The following LPP variants were observed in gnomAD, a reference collection of about 807,000 sequenced individuals.
LPP encodes LIM domain containing preferred translocation partner in lipoma.
In LPP, 38 loss-of-function variants were observed where a neutral mutation model predicts 60.4. The observed-to-expected ratio is 0.63, with a 90% CI of 0.49 to 0.83. The LOEUF (loss-of-function observed/expected upper bound fraction) is 0.83, where lower values mean the gene tolerates loss of function less well. LPP is among the 40% of genes least tolerant of loss of function. LPP has a pLI of 0.00. For missense variants in LPP, 902 were observed against 783.6 expected, an observed-to-expected ratio of 1.15 and a Z score of -1.80; for synonymous variants, 328 against 290.8, an observed-to-expected ratio of 1.13 and a Z score of -1.30.
At chr3:188,760,441 C>CGCGT (rs1560168959) in intron 9 of LPP, among the ~76,000 whole-genome samples, 159 bp downstream of exon 9, 3 of 44,586 alleles carry the variant, frequency 6.7e-5, no homozygotes, top group Non-Finnish European at 1.4e-4. Flanking sequence ...TGTGTGCGTG[C>CGCGT]GCGCATGTAA....
intron 1 of LPP, among the ~76,000 whole-genome samples, chr3:188,216,298 G>T (rs1482190067): frequency 7.2e-6 from 1 of 138,238 alleles, no homozygotes; most frequent in Non-Finnish European, 1.5e-5. Context: ...TTTTGATGGA[G>T]TCTCACTCTC....
In LPP at chr3:188,876,133, T is replaced by A. The variant is rs1769227894; in HGVS notation, c.*1654T>A. On this transcript the variant is annotated 3_prime_UTR_variant, in exon 12 of 12. Coordinates refer to ENST00000617246, the MANE Select transcript of LPP (RefSeq NM_001375462.1). ...TGTGAAGTGATGTTCAGATTTCTAG[T>A]TTTTTTTCTAGTTTTTAATTTTAAC... 5.3e-6 allele frequency: 1 copy of A among 188,876 alleles called. No individual in the cohort carries two copies. The highest frequency in any genetic ancestry group is 6.2e-5 in the Admixed American group (1 of 16,154). The allele number at this position is 188,876 out of a possible 1,614,324, so 11.7% of individuals were successfully genotyped here. A position where few individuals can be genotyped will look rare whatever the true frequency, so the allele number is the denominator to read the frequency against.
intron 2 of LPP, among the ~76,000 whole-genome samples, chr3:188,270,765 A>G (rs1400567675): frequency 6.6e-6 from 1 of 152,250 alleles, no homozygotes; most frequent in Non-Finnish European, 1.5e-5. Context: ...AGCATCTGCC[A>G]CAGGGAACAG....
chr3:188,581,261 A>G (rs959566803), intron 6 of LPP, among the ~76,000 whole-genome samples: 3 of 151,912 alleles, frequency 2.0e-5, no homozygotes, highest in Non-Finnish European at 4.4e-5. Context: ...GTCGTTGGAG[A>G]TGGTGACTGG....
At chr3:188,702,698 A>C (rs1043387773) in intron 7 of LPP, among the ~76,000 whole-genome samples, 1 of 152,232 alleles carries the variant, frequency 6.6e-6, no homozygotes, top group Non-Finnish European at 1.5e-5. Flanking sequence ...GGTATTTCAG[A>C]AACAAACATA....
intron 2 of LPP, among the ~76,000 whole-genome samples, chr3:188,294,538 C>T (rs541647912): frequency 2.5e-4 from 38 of 152,252 alleles, no homozygotes; most frequent in African/African-American, 8.9e-4. Context: ...AGCCACCAAA[C>T]CGAAGCAAGT....
At chr3:188,443,843 T>C (rs1794616904) in intron 4 of LPP, among the ~76,000 whole-genome samples, 1 of 152,234 alleles carries the variant, frequency 6.6e-6, no homozygotes, top group African/African-American at 2.4e-5. Flanking sequence ...ATATTATTCA[T>C]TAACAAAGTA....
In LPP at chr3:188,889,668, C is replaced by T. The variant is rs781410568; in HGVS notation, c.*15189C>T. ...GACTCCATGCCATTGCAGTCAGCCA[C>T]CATTCTCTTTTCCATATAAGGAGCC... On this transcript the variant is annotated 3_prime_UTR_variant, in exon 12 of 12. Transcript: ENST00000617246. 1 of 223,912 alleles carries T rather than the reference C, an allele frequency of 4.5e-6. No individual in the cohort carries two copies. The highest frequency in any genetic ancestry group is 6.5e-5 in the East Asian group (1 of 15,466). 13.9% of individuals were successfully genotyped at this position (223,912 alleles called of 1,614,324 possible).
intron 5 of LPP, among the ~76,000 whole-genome samples, chr3:188,505,187 T>G (rs1813101043): frequency 6.6e-6 from 1 of 152,222 alleles, no homozygotes; most frequent in African/African-American, 2.4e-5. Flanking sequence ...ATGGTGGCAG[T>G]GCAATCGTTG....
intron 6 of LPP, among the ~76,000 whole-genome samples, chr3:188,529,161 A>G (rs751597139): frequency 1.1e-4 from 16 of 152,230 alleles, no homozygotes; most frequent in Non-Finnish European, 1.6e-4. Flanking sequence ...ATTGGTTAAC[A>G]TAATTATAGG....
chr3:188,255,025 T>C (rs564361627), intron 2 of LPP, among the ~76,000 whole-genome samples: 4 of 152,336 alleles, frequency 2.6e-5, no homozygotes, highest in South Asian at 4.1e-4. Context: ...ACTTAAGTAT[T>C]ACTCCTGCCA....
chr3:188,677,277 A>T (rs906623572), intron 7 of LPP, among the ~76,000 whole-genome samples: 2 of 152,216 alleles, frequency 1.3e-5, no homozygotes, highest in Non-Finnish European at 2.9e-5. Context: ...TAATACAATT[A>T]TGTTACTTTT....
intron 2 of LPP, among the ~76,000 whole-genome samples, chr3:188,298,370 G>T (rs543608034): frequency 2.5e-4 from 38 of 152,220 alleles, no homozygotes; most frequent in African/African-American, 8.9e-4. Context: ...TGATCCTCCT[G>T]GGGGCACTAG....
At chr3:188,719,293 C>T (rs760952138) in intron 8 of LPP, among the ~76,000 whole-genome samples, 4 of 152,166 alleles carry the variant, frequency 2.6e-5, no homozygotes, top group Non-Finnish European at 4.4e-5. Flanking sequence ...ATGGATAGGG[C>T]ATCACATTGA....
At chr3:188,627,948 A>G (rs1847162910) in intron 7 of LPP, among the ~76,000 whole-genome samples, 1 of 152,180 alleles carries the variant, frequency 6.6e-6, no homozygotes, top group African/African-American at 2.4e-5. Flanking sequence ...AATATAAATC[A>G]ATACTAAGAT....
chr3:188,477,074 A>G (rs772760638), intron 4 of LPP, among the ~76,000 whole-genome samples: 4 of 152,252 alleles, frequency 2.6e-5, no homozygotes, highest in Non-Finnish European at 4.4e-5. Context: ...TCCCACTGAC[A>G]TAGTGCAGAG....
rs542091778 is a variant in LPP at position 188,655,145 on chromosome 3, G to A, written c.1113+45301G>A. Reference sequence around the variant, plus strand: ...CTCATGTTTTGTTTTGCAATACAGGGCAGGATATTCTCTCTTCCTTTAGCC... The same window carrying A: ...CTCATGTTTTGTTTTGCAATACAGGACAGGATATTCTCTCTTCCTTTAGCC... On this transcript the variant is annotated intron_variant, in intron 7 of 11. Coordinates refer to ENST00000617246, the MANE Select transcript of LPP (RefSeq NM_001375462.1). 2.0e-5 allele frequency among the ~76,000 whole-genome samples: 3 copies of A among 152,220 alleles called. No individual in the cohort carries two copies. The East Asian group carries it at 5.8e-4, about 29-fold the overall frequency.
At chr3:188,195,897 C>T (rs770477290) in intron 1 of LPP, among the ~76,000 whole-genome samples, 2 of 152,254 alleles carry the variant, frequency 1.3e-5, no homozygotes, top group East Asian at 1.9e-4. Context: ...AAGATTTATA[C>T]GGACATGCTT....
intron 9 of LPP, among the ~76,000 whole-genome samples, chr3:188,818,594 T>G (rs1392016909): frequency 6.6e-6 from 1 of 152,182 alleles, no homozygotes; most frequent in Non-Finnish European, 1.5e-5. Context: ...TCAGTAAAAT[T>G]CTGAGCTATT....
Sources: allele counts gnomAD v4.1 joint callset (sites outside exome capture counted in the v4.1 genomes callset), GRCh38; gene constraint gnomAD v4.1.1; transcripts MANE v1.5; gene names NCBI Gene and HGNC (gene_info 2026-07-23, HGNC 2026-07-21).